Variants in FCHSD2 observed in about 807,000 individuals in gnomAD.
FCHSD2 encodes FCH and double SH3 domains 2.
FCHSD2 carries 38 observed loss-of-function variants against 108.1 expected under a neutral mutation model. The observed-to-expected ratio is 0.35, with a 90% CI of 0.27 to 0.46. The LOEUF is 0.46. Among genes scored for constraint, FCHSD2 ranks in the 20% least tolerant of loss-of-function variants. The pLI is 1.00. For missense variants in FCHSD2, 751 were observed against 897.8 expected, an observed-to-expected ratio of 0.84 and a Z score of 2.09; for synonymous variants, 279 against 314.7, an observed-to-expected ratio of 0.89 and a Z score of 1.20.
Position 73,015,827 on chromosome 11 carries a change from T to C in FCHSD2, c.224A>G (p.Asp75Gly). The change falls in exon 4 of 20, where the codon GAT (aspartate) becomes GGT (glycine). Residue 75 changes from aspartate (D) to glycine (G), a missense_variant. Transcript: ENST00000409418. Reference protein sequence around the residue: ...LKRDWPGVKADDRNDYRSMYP... With the variant: ...LKRDWPGVKAGDRNDYRSMYP... ...AATTTACCTGTAATCATTCCGATCA[T>C]CAGCTTTTACTCCAGGCCAATCTCT... 1 of 1,605,022 alleles carries C rather than the reference T, an allele frequency of 6.2e-7. No individual in the cohort carries two copies.
chr11:72,981,006 CAG>C (rs1317431974), intron 8 of FCHSD2, among the ~76,000 whole-genome samples: 1 of 151,948 alleles, frequency 6.6e-6, no homozygotes, highest in East Asian at 1.9e-4. Context: ...TTCAGAAAAA[CAG>C]ATATTTTCAA....
At position 73,053,858 on chromosome 11, in the gene FCHSD2, C is replaced by T. The variant is rs186465880; in HGVS notation, c.165+29837G>A. Among the ~76,000 whole-genome samples, 62 of 152,056 alleles carry T rather than the reference C, an allele frequency of 4.1e-4. No homozygotes were observed. The Middle Eastern group carries it at 0.014, about 33-fold the overall frequency. Reference sequence around the variant, plus strand: ...GGTTCTTCTAATTGTTTTCTTTTTCCCTATGTATGACCATTTAAATTATAG... The same window carrying T: ...GGTTCTTCTAATTGTTTTCTTTTTCTCTATGTATGACCATTTAAATTATAG... On this transcript the variant is annotated intron_variant, in intron 3 of 19. Transcript: ENST00000409418.
intron 5 of FCHSD2, among the ~76,000 whole-genome samples, chr11:72,991,571 T>G (rs1449865710): frequency 2.6e-5 from 4 of 152,074 alleles, no homozygotes; most frequent in Non-Finnish European, 5.9e-5. Context: ...GCTGATCAAG[T>G]GGGCTTCATC....
chr11:73,133,852 C>T (rs1006596698), intron 2 of FCHSD2, among the ~76,000 whole-genome samples: 10 of 149,674 alleles, frequency 6.7e-5, no homozygotes, highest in Admixed American at 2.7e-4. Flanking sequence ...TCGCAAGATT[C>T]CACTTCTATA....
Position 72,847,733 on chromosome 11 carries a change from C to T in FCHSD2, c.1443+2022G>A, listed in dbSNP as rs566651688. ...TTTGAGACAGAGTCTCGCTCTGTCA[C>T]CCAGGCTGGAGCGCAATGGTGCGAT... On this transcript the variant is annotated intron_variant, in intron 14 of 19. Coordinates refer to ENST00000409418, the MANE Select transcript of FCHSD2 (RefSeq NM_014824.3). Among the ~76,000 whole-genome samples the T allele has an allele frequency of 3.4e-5, 5 of 146,848 alleles. No homozygotes were observed. The South Asian group carries it at 8.8e-4, about 26-fold the overall frequency.
At chr11:72,924,133 G>T (rs1856028433) in intron 8 of FCHSD2, among the ~76,000 whole-genome samples, 1 of 151,950 alleles carries the variant, frequency 6.6e-6, no homozygotes, top group Non-Finnish European at 1.5e-5. Context: ...AAGTGATAAG[G>T]TCTTGTCATG....
chr11:72,952,118 T>C (rs1332424220), intron 8 of FCHSD2, among the ~76,000 whole-genome samples: 1 of 152,114 alleles, frequency 6.6e-6, no homozygotes, highest in Non-Finnish European at 1.5e-5. Context: ...ACCCATGAGT[T>C]TAATGCTTGG....
chr11:73,130,870 T>A (rs1396530359), intron 2 of FCHSD2, among the ~76,000 whole-genome samples: 1 of 152,054 alleles, frequency 6.6e-6, no homozygotes, highest in Non-Finnish European at 1.5e-5. Context: ...TAATCTTTTT[T>A]TCCCTCTCTT....
intron 13 of FCHSD2, among the ~76,000 whole-genome samples, chr11:72,865,349 C>G (rs1282825181): frequency 6.6e-6 from 1 of 152,136 alleles, no homozygotes. Context: ...GCCTATGTCT[C>G]TCCTTTATTT....
rs547053247 is a variant in FCHSD2, at chr11:72,867,782, T to C, written c.1308+83A>G. 5 of 1,176,884 alleles carry C rather than the reference T, an allele frequency of 4.2e-6. No homozygotes were observed. In the African/African-American group the frequency reaches 7.7e-5, roughly 18 times the overall value. The allele number at this position is 1,176,884 out of a possible 1,614,324, so 72.9% of individuals were successfully genotyped here. A position where few individuals can be genotyped will look rare whatever the true frequency, so the allele number is the denominator to read the frequency against. On this transcript the variant is annotated intron_variant, in intron 13 of 19. Coordinates refer to ENST00000409418, the MANE Select transcript of FCHSD2 (RefSeq NM_014824.3). The stretch of plus-strand genomic sequence containing the variant: ...CAAACTATTATCTTTTTAAAAAATT[T>C]TGGCTATTATTAAGTTTGACTACAG...
intron 2 of FCHSD2, among the ~76,000 whole-genome samples, chr11:73,108,068 G>C (rs1246825530): frequency 6.6e-6 from 1 of 152,036 alleles, no homozygotes; most frequent in South Asian, 2.1e-4. Context: ...CCACATCCTT[G>C]CCGGTGTTTG....
chr11:72,983,849 G>A (rs145985507), intron 8 of FCHSD2: 249 of 590,602 alleles, frequency 4.2e-4, no homozygotes, highest in Non-Finnish European at 6.6e-4. Flanking sequence ...AATGTTTGCC[G>A]CACCTAGGGA....
intron 4 of FCHSD2, among the ~76,000 whole-genome samples, chr11:73,011,789 T>G (rs543969381): frequency 3.3e-5 from 5 of 152,216 alleles, no homozygotes; most frequent in Non-Finnish European, 7.4e-5. Flanking sequence ...TAATCCCACC[T>G]GAACAGGCTA....
In FCHSD2 at chr11:73,049,434, T is replaced by TA. The variant is rs199617683; in HGVS notation, c.166-33550dup. 6.2e-3 allele frequency among the ~76,000 whole-genome samples: 934 copies of TA among 150,664 alleles called. 22 individuals carry two copies. Among genetic ancestry groups the TA allele is most frequent in the Admixed American group, 0.043 (642 of 14,964 alleles). On this transcript the variant is annotated intron_variant, in intron 3 of 19. Transcript: ENST00000409418. ...ACGTTCAAGTGTGAACTAAATAAACTACAAATTTTTATGATTGGAAAGACT... is the reference window on the plus strand; with the variant it reads ...ACGTTCAAGTGTGAACTAAATAAACTAACAAATTTTTATGATTGGAAAGACT...
chr11:72,984,015 A>AACCCAAC, intron 8 of FCHSD2, 73 bp downstream of exon 8: 2 of 1,265,944 alleles, frequency 1.6e-6, no homozygotes, highest in Non-Finnish European at 2.2e-6. Flanking sequence ...CAATCCCATA[A>AACCCAAC]ACCCAACACC....
At position 72,889,831 on chromosome 11, in the gene FCHSD2, G is replaced by T; in HGVS notation, c.1039C>A (p.Arg347=). 6.3e-7 allele frequency: 1 copy of T among 1,587,274 alleles called. No homozygotes were observed. The highest frequency in any genetic ancestry group is 1.3e-5 in the African/African-American group (1 of 74,586). ...CTAGGACTTTCTCTTACACTTACCC[G>T]TTGTTGGTGAACAATGTTTTTATGC... is the stretch of plus-strand genomic sequence containing the variant. ...REHKNIVHQQ[R]VLNDLECHGA... Residue 347 remains arginine, a splice_region_variant and synonymous_variant, in exon 11 of 20, where the codon CGG becomes AGG. Transcript: ENST00000409418.
chr11:72,950,229 T>C (rs1185734655), intron 8 of FCHSD2, among the ~76,000 whole-genome samples: 1 of 152,200 alleles, frequency 6.6e-6, no homozygotes, highest in African/African-American at 2.4e-5. Flanking sequence ...TCTTTATATA[T>C]TCTAAATATT....
intron 8 of FCHSD2, among the ~76,000 whole-genome samples, chr11:72,970,957 G>C (rs1393232354): frequency 6.6e-6 from 1 of 152,172 alleles, no homozygotes; most frequent in East Asian, 1.9e-4. Context: ...TGAGTCAATA[G>C]GCAGCATTAA....
chr11:72,978,306 T>C (rs1401099039), intron 8 of FCHSD2, among the ~76,000 whole-genome samples: 1 of 150,880 alleles, frequency 6.6e-6, no homozygotes. Flanking sequence ...ACTTAAAGTA[T>C]AATAAAAAAA....
Sources: gnomAD v4.1 joint callset for allele counts (sites outside exome capture counted in the v4.1 genomes callset) on GRCh38, gnomAD v4.1.1 for gene constraint, MANE v1.5 for transcripts, NCBI Gene and HGNC (gene_info 2026-07-23, HGNC 2026-07-21) for gene names.